Variants in MAP3K1 observed in about 807,000 individuals in gnomAD.
MAP3K1 encodes the protein mitogen-activated protein kinase kinase kinase 1, also known as MAP/ERK kinase kinase 1.
A neutral mutation model predicts 144.2 loss-of-function variants in MAP3K1; 36 were observed. That is an observed-to-expected ratio of 0.25 (90% CI 0.19 to 0.33). MAP3K1 has a LOEUF of 0.33. Ranked by LOEUF, MAP3K1 falls within the 10% of genes least tolerant of loss-of-function variation. The pLI, the probability that MAP3K1 is intolerant of heterozygous loss-of-function variation, is 1.00. For missense variants in MAP3K1, 1,650 were observed against 1,881.9 expected, an observed-to-expected ratio of 0.88 and a Z score of 2.28; for synonymous variants, 718 against 688.7, an observed-to-expected ratio of 1.04 and a Z score of -0.67.
intron 6 of MAP3K1, among the ~76,000 whole-genome samples, chr5:56,870,755 C>T (rs1747827407): frequency 6.6e-6 from 1 of 152,072 alleles, no homozygotes; most frequent in Non-Finnish European, 1.5e-5. Context: ...GTTGGTACAC[C>T]ATAATTTATT....
chr5:56,817,027 C>T (rs532753501), intron 1 of MAP3K1: 243 of 983,414 alleles, frequency 2.5e-4, no homozygotes, highest in Non-Finnish European at 2.7e-4. Context: ...TGCCCTGGCG[C>T]GGGCCGCCCG....
Position 56,881,776 on chromosome 5 carries a change from T to C in MAP3K1, c.2576T>C (p.Ile859Thr). The C allele has an allele frequency of 6.2e-7, 1 of 1,614,160 alleles. No homozygotes were observed. The highest frequency in any genetic ancestry group is 8.5e-7 in the Non-Finnish European group (1 of 1,180,032). Residue 859 changes from isoleucine to threonine, a missense_variant, in exon 14 of 20, where the codon ATT (isoleucine) becomes ACT (threonine). By Grantham distance (89) the Ile-to-Thr change is moderately conservative (BLOSUM62 -1). Transcript: ENST00000399503. The stretch of plus-strand genomic sequence containing the variant: ...AGGATGCGTCGCCGTTTGATGGCTA[T>C]TGCAGATGAGGTGGAAATTGCCGAA... ...FTRMRRRLMA[I>T]ADEVEIAEAI...
Position 56,872,991 on chromosome 5 carries a change from G to A in MAP3K1, c.1672G>A (p.Glu558Lys), listed in dbSNP as rs899646671. 7.4e-6 allele frequency: 12 copies of A among 1,613,832 alleles called. No individual in the cohort carries two copies. The highest frequency in any genetic ancestry group is 1.0e-5 in the Non-Finnish European group (12 of 1,179,886). ...QIPPAYKDLA[E>K]PWIQVFGMEL... ...CCCTCCTGCTTACAAAGATTTAGCT[G>A]AGCCATGGATTCAGGTAAGTAGTTC... Residue 558 changes from glutamate to lysine, a missense_variant, in exon 9 of 20, where the codon GAG becomes AAG. Glu to Lys is a moderately conservative substitution (Grantham distance 56). This residue lies in a region of MAP3K1 where 841 missense variants were observed against 886.5 expected (regional missense o/e 0.95). Transcript: ENST00000399503.
chr5:56,850,981 T>G (rs1024032216), intron 1 of MAP3K1, among the ~76,000 whole-genome samples: 2 of 152,212 alleles, frequency 1.3e-5, no homozygotes, highest in African/African-American at 4.8e-5. Context: ...AGTTTTGCTC[T>G]TGTTGCCCAG....
chr5:56,847,314 TGGTC>T (rs1322835069), intron 1 of MAP3K1, among the ~76,000 whole-genome samples: 1 of 152,190 alleles, frequency 6.6e-6, no homozygotes, highest in African/African-American at 2.4e-5. Flanking sequence ...AAAAAAGACT[TGGTC>T]GGGCGTGGTG....
In MAP3K1 at chr5:56,833,113, G is replaced by A. The variant is rs189635459; in HGVS notation, c.482+17058G>A. Among the ~76,000 whole-genome samples the A allele has an allele frequency of 6.8e-4, 103 of 151,916 alleles. 1 individual carries two copies. Among genetic ancestry groups the A allele is most frequent in the Non-Finnish European group, 1.3e-3 (88 of 67,970 alleles). On this transcript the variant is annotated intron_variant, in intron 1 of 19. Transcript: ENST00000399503. ...TCTTGATCTCCTGACCTTGTGATCC[G>A]CCTGCCTCAGCCTCCCAAAGTGCTG...
At chr5:56,858,591 A>G (rs1747409212) in intron 2 of MAP3K1, among the ~76,000 whole-genome samples, 1 of 152,218 alleles carries the variant, frequency 6.6e-6, no homozygotes, top group African/African-American at 2.4e-5. Context: ...AGTTGTGTCA[A>G]ATCATTCTTG....
At position 56,879,004 on chromosome 5, in the gene MAP3K1, T is replaced by A; in HGVS notation, c.1990T>A (p.Tyr664Asn). The change falls in exon 11 of 20, where the codon TAT (tyrosine) becomes AAT (asparagine). Residue 664 changes from tyrosine (Y) to asparagine (N), a missense_variant. This residue lies in a region of MAP3K1 where 841 missense variants were observed against 886.5 expected (regional missense o/e 0.95). Coordinates refer to ENST00000399503, the MANE Select transcript of MAP3K1 (RefSeq NM_005921.2). ...ALKTLRAMLV[Y>N]TPCHSLAERI... ...GAAAACATTGAGAGCCATGCTGGTATATACTCCTTGCCACAGTTTAGCGGA... is the reference window on the plus strand; with the variant it reads ...GAAAACATTGAGAGCCATGCTGGTAAATACTCCTTGCCACAGTTTAGCGGA... The A allele has an allele frequency of 6.2e-7, 1 of 1,613,962 alleles. No individual in the cohort carries two copies.
intron 14 of MAP3K1, among the ~76,000 whole-genome samples, 158 bp downstream of exon 14, chr5:56,883,024 A>G (rs1329632205): frequency 6.6e-6 from 1 of 152,210 alleles, no homozygotes; most frequent in Non-Finnish European, 1.5e-5. Flanking sequence ...CCCTGTCTCT[A>G]CAAAAAATTT....
intron 1 of MAP3K1, among the ~76,000 whole-genome samples, chr5:56,828,810 A>G (rs1295184095): frequency 1.3e-5 from 2 of 150,000 alleles, no homozygotes; most frequent in Non-Finnish European, 2.9e-5. Flanking sequence ...TATAACCTCT[A>G]AAAAAGCTTC....
chr5:56,885,627 T>A (rs1748357133), intron 16 of MAP3K1, among the ~76,000 whole-genome samples: 1 of 152,228 alleles, frequency 6.6e-6, no homozygotes, highest in Non-Finnish European at 1.5e-5. Context: ...AGTTGTTTTG[T>A]GTATTTTGAG....
intron 1 of MAP3K1, among the ~76,000 whole-genome samples, chr5:56,848,102 C>A (rs1481879669): frequency 7.3e-5 from 11 of 150,352 alleles, no homozygotes; most frequent in Admixed American, 6.6e-5. Flanking sequence ...TAATTGACTG[C>A]AAAAAAAAAA....
At chr5:56,832,146 C>A (rs185203114) in intron 1 of MAP3K1, among the ~76,000 whole-genome samples, 12 of 152,268 alleles carry the variant, frequency 7.9e-5, no homozygotes, top group Admixed American at 2.6e-4. Context: ...TGATACCCTT[C>A]ATACTTAGAG....
At chr5:56,885,100 T>TC (rs1748341298) in intron 16 of MAP3K1, among the ~76,000 whole-genome samples, 1 of 152,186 alleles carries the variant, frequency 6.6e-6, no homozygotes, top group African/African-American at 2.4e-5. Context: ...ATGTATAAGA[T>TC]ATGTATATTT....
chr5:56,839,042 C>T (rs1413555437), intron 1 of MAP3K1, among the ~76,000 whole-genome samples: 1 of 152,166 alleles, frequency 6.6e-6, no homozygotes, highest in African/African-American at 2.4e-5. Context: ...AATATTAGTG[C>T]AGAGATTGCT....
chr5:56,889,730 C>G (rs1579788085), intron 19 of MAP3K1, among the ~76,000 whole-genome samples: 1 of 152,064 alleles, frequency 6.6e-6, no homozygotes, highest in South Asian at 2.1e-4. Flanking sequence ...TCCATTTTCT[C>G]ACATGTAAAA....
At chr5:56,834,895 T>A (rs965844942) in intron 1 of MAP3K1, among the ~76,000 whole-genome samples, 1 of 152,298 alleles carries the variant, frequency 6.6e-6, no homozygotes, top group Non-Finnish European at 1.5e-5. Flanking sequence ...AATAAGATAC[T>A]TAATTTTAGA....
At chr5:56,816,562 C>G (rs866203983) in intron 1 of MAP3K1, among the ~76,000 whole-genome samples, 1 of 152,052 alleles carries the variant, frequency 6.6e-6, no homozygotes, top group Non-Finnish European at 1.5e-5. Flanking sequence ...GAGAAAGTAG[C>G]AGGTCCCAGC....
At chr5:56,846,121 A>G (rs558044974) in intron 1 of MAP3K1, among the ~76,000 whole-genome samples, 4 of 152,362 alleles carry the variant, frequency 2.6e-5, no homozygotes, top group South Asian at 4.1e-4. Context: ...TGGCAGAACA[A>G]TGTTGTTTTT....
Sources: allele counts gnomAD v4.1 joint callset (sites outside exome capture counted in the v4.1 genomes callset), GRCh38; gene constraint gnomAD v4.1.1; regional missense constraint gnomAD v4.1.1; transcripts MANE v1.5; gene names NCBI Gene and HGNC (gene_info 2026-07-23, HGNC 2026-07-21).